FILIP1L: variants seen among roughly 807,000 people sequenced by gnomAD.
FILIP1L encodes filamin A interacting protein 1 like, also known as filamin A-interacting protein 1-like.
A neutral mutation model predicts 96.6 loss-of-function variants in FILIP1L; 55 were observed. That is an observed-to-expected ratio of 0.57 (90% CI 0.46 to 0.71). FILIP1L has a LOEUF of 0.71. Among genes scored for constraint, FILIP1L ranks in the 30% least tolerant of loss-of-function variants. The pLI is 0.00. For missense variants in FILIP1L, 1,304 were observed against 1,321.2 expected (o/e 0.99, Z 0.20); for synonymous variants, 467 against 473.9 (o/e 0.99, Z 0.19).
chr3:100,112,111 T>C (rs945714202), intron 1 of FILIP1L, among the ~76,000 whole-genome samples: 2 of 152,214 alleles, frequency 1.3e-5, no homozygotes, highest in Non-Finnish European at 2.9e-5. Flanking sequence ...ACTATAAAAG[T>C]GTTCCCCTAA....
chr3:100,103,207 G>C (rs1267610569), intron 1 of FILIP1L, among the ~76,000 whole-genome samples: 1 of 152,200 alleles, frequency 6.6e-6, no homozygotes, highest in Non-Finnish European at 1.5e-5. Flanking sequence ...AGACCAAGCA[G>C]CTTTTTGAAA....
At chr3:99,936,990 T>G (rs1376368325) in intron 1 of FILIP1L, among the ~76,000 whole-genome samples, 3 of 152,150 alleles carry the variant, frequency 2.0e-5, no homozygotes, top group African/African-American at 7.2e-5. Flanking sequence ...CAGGCTGGAG[T>G]GCAGTGGCGT....
At chr3:99,869,984 C>T (rs930947198) in intron 4 of FILIP1L, among the ~76,000 whole-genome samples, 1 of 152,032 alleles carries the variant, frequency 6.6e-6, no homozygotes, top group African/African-American at 2.4e-5. Context: ...CATCTTTTCT[C>T]CATTTACATG....
At chr3:100,038,884 C>T (rs367863088) in intron 1 of FILIP1L, among the ~76,000 whole-genome samples, 10 of 152,070 alleles carry the variant, frequency 6.6e-5, no homozygotes, top group African/African-American at 1.7e-4. Flanking sequence ...TTGTCTATAT[C>T]GTATGCTACC....
At chr3:99,866,655 T>C (rs536103146) in intron 4 of FILIP1L, among the ~76,000 whole-genome samples, 3 of 152,294 alleles carry the variant, frequency 2.0e-5, no homozygotes, top group African/African-American at 7.2e-5. Flanking sequence ...GGTTAATGTG[T>C]GGCTTGGCTT....
chr3:100,012,256 T>A (rs1363269435), intron 1 of FILIP1L, among the ~76,000 whole-genome samples: 2 of 152,214 alleles, frequency 1.3e-5, no homozygotes, highest in African/African-American at 4.8e-5. Context: ...AGAAGATTGG[T>A]AGAATTATTA....
At chr3:99,884,414 G>T (rs1478953272) in intron 4 of FILIP1L, among the ~76,000 whole-genome samples, 1 of 152,136 alleles carries the variant, frequency 6.6e-6, no homozygotes, top group Non-Finnish European at 1.5e-5. Context: ...TATCTTGTTA[G>T]ATTATGACAT....
At chr3:100,073,523 AG>A (rs1294528828) in intron 1 of FILIP1L, among the ~76,000 whole-genome samples, 1 of 152,214 alleles carries the variant, frequency 6.6e-6, no homozygotes, top group Non-Finnish European at 1.5e-5. Flanking sequence ...AGAAATCTTG[AG>A]GTTTTCTTGA....
chr3:99,933,776 T>C (rs913774814), intron 1 of FILIP1L, among the ~76,000 whole-genome samples: 30 of 152,228 alleles, frequency 2.0e-4, no homozygotes, highest in African/African-American at 6.8e-4. Flanking sequence ...TTCATTCATG[T>C]CTCACATGGC....
intron 1 of FILIP1L, among the ~76,000 whole-genome samples, chr3:100,082,503 C>T (rs1248013972): frequency 6.6e-6 from 1 of 152,096 alleles, no homozygotes; most frequent in African/African-American, 2.4e-5. Context: ...TTATTCGTTT[C>T]CAGGAATCTC....
At chr3:99,944,501 A>T (rs1254834200) in intron 1 of FILIP1L, among the ~76,000 whole-genome samples, 3 of 152,228 alleles carry the variant, frequency 2.0e-5, no homozygotes, top group Non-Finnish European at 4.4e-5. Context: ...TGCAGGCACA[A>T]TGCTAAGGCA....
chr3:99,947,395 C>T (rs1379518251), intron 1 of FILIP1L, among the ~76,000 whole-genome samples: 2 of 152,076 alleles, frequency 1.3e-5, no homozygotes, highest in Admixed American at 6.6e-5. Flanking sequence ...TATGGAGGTG[C>T]CATTATTTAT....
intron 1 of FILIP1L, among the ~76,000 whole-genome samples, chr3:99,984,054 GTGTGTT>G (rs1709256773): frequency 6.6e-6 from 1 of 151,782 alleles, no homozygotes; most frequent in Admixed American, 6.6e-5. Flanking sequence ...GTATATGTAT[GTGTGTT>G]TGTGTGTGTG....
intron 4 of FILIP1L, among the ~76,000 whole-genome samples, chr3:99,897,937 T>C (rs1426570188): frequency 6.6e-6 from 1 of 152,244 alleles, no homozygotes; most frequent in Admixed American, 6.5e-5. Flanking sequence ...CTCGTCACCA[T>C]GAATAATTGA....
At chr3:99,971,018 G>A (rs1708798228) in intron 1 of FILIP1L, among the ~76,000 whole-genome samples, 1 of 152,146 alleles carries the variant, frequency 6.6e-6, no homozygotes, top group African/African-American at 2.4e-5. Flanking sequence ...TTAACAGCAA[G>A]GATTGGCAGG....
intron 1 of FILIP1L, among the ~76,000 whole-genome samples, chr3:100,087,978 C>A (rs183490197): frequency 1.2e-4 from 18 of 151,930 alleles, no homozygotes. Flanking sequence ...TTACAGGTGC[C>A]CACCACCATG....
chr3:99,970,513 A>G (rs1405616199), intron 1 of FILIP1L, among the ~76,000 whole-genome samples: 2 of 152,188 alleles, frequency 1.3e-5, no homozygotes, highest in South Asian at 2.1e-4. Flanking sequence ...AACTACTTCT[A>G]CCTAATTGCA....
intron 1 of FILIP1L, among the ~76,000 whole-genome samples, chr3:100,002,061 T>C (rs2107167959): frequency 6.6e-6 from 1 of 152,342 alleles, no homozygotes; most frequent in South Asian, 2.1e-4. Context: ...TGTGACTGTT[T>C]GCAGCTCTGG....
At chr3:99,902,210 C>T (rs1329703563) in intron 4 of FILIP1L, among the ~76,000 whole-genome samples, 1 of 152,040 alleles carries the variant, frequency 6.6e-6, no homozygotes, top group Non-Finnish European at 1.5e-5. Flanking sequence ...TTCTTAGTAC[C>T]ATGTGACATT....
Sources: allele counts gnomAD v4.1 joint callset (sites outside exome capture counted in the v4.1 genomes callset), GRCh38; gene constraint gnomAD v4.1.1; transcripts MANE v1.5; gene names NCBI Gene and HGNC (gene_info 2026-07-23, HGNC 2026-07-21).